The following ZNF831 variants were observed in gnomAD, a reference collection of about 807,000 sequenced individuals.
The protein encoded by ZNF831 is chromosome 20 open reading frame 174.
A neutral mutation model predicts 95.8 loss-of-function variants in ZNF831; 59 were observed. The observed-to-expected ratio is 0.62, with a 90% CI of 0.50 to 0.77. The LOEUF is 0.77. Among genes scored for constraint, ZNF831 ranks in the 30% least tolerant of loss-of-function variants. ZNF831 has a pLI of 0.00. For synonymous variants in ZNF831, 961 were observed against 925.5 expected (o/e 1.04, Z -0.70); for missense variants, 2,205 against 2,164.0 (o/e 1.02, Z -0.38).
chr20:59,252,804 T>G (rs1292841240), intron 4 of ZNF831, among the ~76,000 whole-genome samples, 174 bp from the exon 5 acceptor site: 1 of 152,224 alleles, frequency 6.6e-6, no homozygotes, highest in Non-Finnish European at 1.5e-5. Flanking sequence ...TGGATATATT[T>G]TATTTGACCA....
At chr20:59,144,157 A>G (rs1010963523) in intron 1 of ZNF831, among the ~76,000 whole-genome samples, 6 of 152,062 alleles carry the variant, frequency 3.9e-5, no homozygotes, top group Non-Finnish European at 8.8e-5. Context: ...TCTGAAGCAG[A>G]GTTTTTACTC....
In ZNF831 at chr20:59,124,165, G is replaced by A. The variant is rs905566946; in HGVS notation, c.-1425+660G>A. Among the ~76,000 whole-genome samples the A allele has an allele frequency of 1.2e-4, 19 of 152,242 alleles. 1 individual carries two copies. The highest frequency in any genetic ancestry group is 8.3e-4 in the South Asian group (4 of 4,824). ...GGAAAAATAAACTCTTCCTATGGCC[G>A]TTTCTTTTCCCTCGGTTCTGAACGG... On this transcript the variant is annotated intron_variant, in intron 1 of 7. Transcript: ENST00000637017.
chr20:59,210,453 G>A (rs1601402485), intron 4 of ZNF831, among the ~76,000 whole-genome samples: 1 of 152,160 alleles, frequency 6.6e-6, no homozygotes, highest in African/African-American at 2.4e-5. Context: ...TGGCTCACAC[G>A]CTGGCCCTGA....
At chr20:59,137,374 G>A (rs1406347902) in intron 1 of ZNF831, among the ~76,000 whole-genome samples, 3 of 149,362 alleles carry the variant, frequency 2.0e-5, no homozygotes, top group Admixed American at 6.7e-5. Flanking sequence ...CTCTATTTCT[G>A]TTCACCAATG....
intron 2 of ZNF831, among the ~76,000 whole-genome samples, chr20:59,156,726 C>G (rs1213708093): frequency 2.0e-5 from 3 of 152,140 alleles, no homozygotes. Flanking sequence ...ATAAGTTTGA[C>G]TGTTTTAGAT....
At chr20:59,182,517 C>A (rs575913021) in intron 1 of ZNF831, among the ~76,000 whole-genome samples, 1 of 151,962 alleles carries the variant, frequency 6.6e-6, no homozygotes, top group Non-Finnish European at 1.5e-5. Flanking sequence ...AGACAGGGGA[C>A]GGGGATGGCT....
At chr20:59,243,664 C>T (rs1041708608) in intron 4 of ZNF831, among the ~76,000 whole-genome samples, 1 of 152,160 alleles carries the variant, frequency 6.6e-6, no homozygotes, top group Non-Finnish European at 1.5e-5. Flanking sequence ...CATTATTTTT[C>T]CTGTAAGAAT....
In ZNF831 at chr20:59,193,216, G is replaced by A. The variant is rs1432144702; in HGVS notation, c.2197G>A (p.Ala733Thr). Residue 733 changes from alanine to threonine, a missense_variant, in exon 2 of 6, where the codon GCA becomes ACA. By Grantham distance (58) the Ala-to-Thr change is moderately conservative. Coordinates refer to ENST00000371030, the MANE Select transcript of ZNF831 (RefSeq NM_178457.3). Reference sequence around the variant, plus strand: ...GGTGGAAGAGGCTGTGTCATCCCCTGCACTGGGTGGCAGAGACAGTCCCTG... The same window carrying A: ...GGTGGAAGAGGCTGTGTCATCCCCTACACTGGGTGGCAGAGACAGTCCCTG... Reference protein sequence around the residue: ...PRVEEAVSSPALGGRDSPCSG... With the variant: ...PRVEEAVSSPTLGGRDSPCSG... 6.3e-7 allele frequency: 1 copy of A among 1,589,748 alleles called. No individual in the cohort carries two copies. Among genetic ancestry groups the A allele is most frequent in the Non-Finnish European group, 8.6e-7 (1 of 1,167,916 alleles).
At chr20:59,207,202 G>A (rs571883140) in intron 4 of ZNF831, 146 bp downstream of exon 4, 21 of 953,890 alleles carry the variant, frequency 2.2e-5, no homozygotes, top group Middle Eastern at 3.4e-4. Flanking sequence ...GAGGCATGAC[G>A]TCTATGAGAC....
intron 3 of ZNF831, among the ~76,000 whole-genome samples, chr20:59,197,109 ATTC>A (rs988663639): frequency 6.6e-6 from 1 of 152,042 alleles, no homozygotes; most frequent in Non-Finnish European, 1.5e-5. Context: ...AAGCCTGGAT[ATTC>A]TTCAAGGGGC....
At chr20:59,151,781 G>C (rs996864892) in intron 2 of ZNF831, among the ~76,000 whole-genome samples, 1 of 152,216 alleles carries the variant, frequency 6.6e-6, no homozygotes, top group Non-Finnish European at 1.5e-5. Context: ...ACTGGTGCCG[G>C]CTGAGCCCCA....
rs552418330 is a variant in ZNF831, at chr20:59,191,105, G to T, written c.86G>T (p.Gly29Val). ...CCTGGCCCTCCAGGGGCCCCAGGTGGCCAGGCCTCACCTCACCTGACCCTG... is the reference window on the plus strand; with the variant it reads ...CCTGGCCCTCCAGGGGCCCCAGGTGTCCAGGCCTCACCTCACCTGACCCTG... ...PTPGPPGAPG[G>V]QASPHLTLGP... The change falls in exon 2 of 6, where the codon GGC (glycine) becomes GTC (valine). Residue 29 changes from glycine (G) to valine (V), a missense_variant. Coordinates refer to ENST00000371030, the MANE Select transcript of ZNF831 (RefSeq NM_178457.3). The T allele has an allele frequency of 3.8e-6, 6 of 1,575,550 alleles. No homozygotes were observed. The South Asian group carries it at 6.8e-5, about 18-fold the overall frequency.
rs773439553 is a variant in ZNF831, at chr20:59,192,053, G to T, written c.1034G>T (p.Gly345Val). ...RLRKCESTDS[G>V]YLSRSDSAEQ... ...CGGAAGTGTGAGAGCACCGACTCGG[G>T]GTACCTGTCGCGCTCCGACAGCGCG... The change falls in exon 2 of 6, where the codon GGG (glycine) becomes GTG (valine). Residue 345 changes from glycine to valine, a missense_variant. Gly to Val is a moderately radical substitution (Grantham distance 109, BLOSUM62 -3). Coordinates refer to ENST00000371030, the MANE Select transcript of ZNF831 (RefSeq NM_178457.3). The surrounding 1 kb of genome is among the most constrained non-coding windows in gnomAD (Gnocchi z 5.2). 3.1e-6 allele frequency: 5 copies of T among 1,608,072 alleles called. No individual in the cohort carries two copies.
intron 1 of ZNF831, among the ~76,000 whole-genome samples, chr20:59,126,472 G>T (rs115835426): frequency 1.3e-5 from 2 of 152,292 alleles, no homozygotes; most frequent in African/African-American, 4.8e-5. Flanking sequence ...CCCAGGTACT[G>T]GGTGTGCACA....
chr20:59,149,678 A>C (rs1272814547), intron 2 of ZNF831, among the ~76,000 whole-genome samples: 1 of 152,238 alleles, frequency 6.6e-6, no homozygotes, highest in Non-Finnish European at 1.5e-5. Context: ...TATGGAGAGC[A>C]GACACCATCC....
chr20:59,165,305 AGAC>A (rs1981171103), intron 1 of ZNF831, among the ~76,000 whole-genome samples: 1 of 152,178 alleles, frequency 6.6e-6, no homozygotes, highest in Non-Finnish European at 1.5e-5. Context: ...CAGAGAACCA[AGAC>A]TGTAAAAGGG....
At chr20:59,227,870 T>C (rs544591111) in intron 4 of ZNF831, among the ~76,000 whole-genome samples, 10 of 152,068 alleles carry the variant, frequency 6.6e-5, no homozygotes, top group Non-Finnish European at 1.0e-4. Context: ...AAAACATGCA[T>C]AGAGAAGTTA....
intron 2 of ZNF831, among the ~76,000 whole-genome samples, chr20:59,158,167 C>T (rs1438935442): frequency 1.3e-5 from 2 of 152,210 alleles, no homozygotes; most frequent in African/African-American, 4.8e-5. Context: ...CTTTCATTAT[C>T]TGTGATGCAG....
rs1280559071 is a variant in ZNF831 at position 59,217,725 on chromosome 20, C to T, written c.4027+10669C>T. Among the ~76,000 whole-genome samples, 1 of 152,160 alleles carries T rather than the reference C, an allele frequency of 6.6e-6. No homozygotes were observed. Among genetic ancestry groups the T allele is most frequent in the Non-Finnish European group, 1.5e-5 (1 of 68,020 alleles). ...ATCCATTCTGTCCGTGGAAGGCTGGCATTCTCTAGTAGAAAAAAAGAACAT... is the reference window on the plus strand; with the variant it reads ...ATCCATTCTGTCCGTGGAAGGCTGGTATTCTCTAGTAGAAAAAAAGAACAT... On this transcript the variant is annotated intron_variant, in intron 4 of 5. Transcript: ENST00000371030. The surrounding 1 kb of genome is among the most constrained non-coding windows in gnomAD (Gnocchi z 4.4).
Sources: gnomAD v4.1 joint callset for allele counts (sites outside exome capture counted in the v4.1 genomes callset) on GRCh38, gnomAD v4.1.1 for gene constraint, Gnocchi (gnomAD v3.1) non-coding constraint, MANE v1.5 for transcripts, NCBI Gene and HGNC (gene_info 2026-07-23, HGNC 2026-07-21) for gene names.